UNC5C: variants seen among roughly 807,000 people sequenced by gnomAD.
UNC5C encodes the protein unc-5 netrin receptor C.
In UNC5C, 47 loss-of-function variants were observed where a neutral mutation model predicts 99.8. That is an observed-to-expected ratio of 0.47 (90% CI 0.37 to 0.60). UNC5C has a LOEUF of 0.60. Ranked by LOEUF, UNC5C falls within the 20% of genes least tolerant of loss-of-function variation. The probability of loss-of-function intolerance (pLI) is 0.00; values close to 1 mark genes in which losing one functional copy is unlikely to be tolerated. For synonymous variants in UNC5C, 487 were observed against 452.2 expected (o/e 1.08, Z -0.98); for missense variants, 1,062 against 1,165.9 (o/e 0.91, Z 1.30).
At chr4:95,527,516 G>A (rs899258035) in intron 1 of UNC5C, among the ~76,000 whole-genome samples, 2 of 151,878 alleles carry the variant, frequency 1.3e-5, no homozygotes, top group African/African-American at 2.4e-5. Context: ...CTCAGCCTCC[G>A]TCTTTCCTCA....
intron 1 of UNC5C, among the ~76,000 whole-genome samples, chr4:95,381,688 T>A (rs1000268965): frequency 6.6e-6 from 1 of 152,190 alleles, no homozygotes; most frequent in Non-Finnish European, 1.5e-5. Flanking sequence ...TGCTTTACTG[T>A]CAACAATGAA....
intron 4 of UNC5C, among the ~76,000 whole-genome samples, chr4:95,266,578 T>A (rs905483806): frequency 4.6e-5 from 7 of 152,220 alleles, no homozygotes; most frequent in African/African-American, 1.7e-4. Flanking sequence ...TTTTATAGTT[T>A]CGCTGTTACT....
chr4:95,328,866 A>C (rs1425662264), intron 2 of UNC5C, among the ~76,000 whole-genome samples: 1 of 152,208 alleles, frequency 6.6e-6, no homozygotes, highest in African/African-American at 2.4e-5. Context: ...TCACTGCTGC[A>C]GGCTGGTAAA....
chr4:95,342,660 G>T (rs1048850994), intron 1 of UNC5C, among the ~76,000 whole-genome samples: 15 of 151,702 alleles, frequency 9.9e-5, no homozygotes, highest in Non-Finnish European at 2.2e-4. Flanking sequence ...AGAGTAAAAG[G>T]GAGTTTGTCT....
intron 1 of UNC5C, among the ~76,000 whole-genome samples, chr4:95,378,801 G>C (rs375018789): frequency 6.6e-6 from 1 of 152,116 alleles, no homozygotes; most frequent in Non-Finnish European, 1.5e-5. Flanking sequence ...TAGCTACTAA[G>C]CACAATAATT....
intron 1 of UNC5C, among the ~76,000 whole-genome samples, chr4:95,354,561 C>T (rs1176050960): frequency 6.7e-6 from 1 of 149,186 alleles, no homozygotes; most frequent in Non-Finnish European, 1.5e-5. Flanking sequence ...CTCACTGTAA[C>T]CTCAAATGTC....
chr4:95,435,833 A>G (rs1293783852), intron 1 of UNC5C, among the ~76,000 whole-genome samples: 1 of 152,106 alleles, frequency 6.6e-6, no homozygotes, highest in Non-Finnish European at 1.5e-5. Context: ...TTGCATGTGT[A>G]GAAATATTCC....
chr4:95,330,666 A>G (rs1321350417), intron 2 of UNC5C, among the ~76,000 whole-genome samples: 1 of 152,094 alleles, frequency 6.6e-6, no homozygotes, highest in Non-Finnish European at 1.5e-5. Context: ...AAAAAATCAC[A>G]TAATTTGTCA....
Position 95,410,290 on chromosome 4 carries a change from C to T in UNC5C, c.125-74659G>A, listed in dbSNP as rs147191086. Reference sequence around the variant, plus strand: ...TCCACTGGGTTGTAATGTCCCTGTACCACTCTAAATGCATGATACCTCCTA... The same window carrying T: ...TCCACTGGGTTGTAATGTCCCTGTATCACTCTAAATGCATGATACCTCCTA... On this transcript the variant is annotated intron_variant, in intron 1 of 15. Transcript: ENST00000453304. 9.2e-3 allele frequency among the ~76,000 whole-genome samples: 1,404 copies of T among 152,134 alleles called. 17 individuals are homozygous for T. Among genetic ancestry groups the T allele is most frequent in the Non-Finnish European group, 0.014 (977 of 68,008 alleles).
intron 2 of UNC5C, among the ~76,000 whole-genome samples, chr4:95,326,176 C>T (rs1317572115): frequency 6.6e-6 from 1 of 152,060 alleles, no homozygotes; most frequent in Non-Finnish European, 1.5e-5. Context: ...GACTAAAGAA[C>T]AGAATACATG....
chr4:95,285,089 T>G (rs1044591186), intron 3 of UNC5C, among the ~76,000 whole-genome samples: 21 of 152,230 alleles, frequency 1.4e-4, no homozygotes, highest in African/African-American at 5.1e-4. Flanking sequence ...GATAAGCATG[T>G]TTTATTCTAA....
At chr4:95,331,743 T>C (rs1449274804) in intron 2 of UNC5C, among the ~76,000 whole-genome samples, 3 of 152,114 alleles carry the variant, frequency 2.0e-5, no homozygotes, top group African/African-American at 7.2e-5. Flanking sequence ...TGTACAATTA[T>C]AAAAAATAAA....
intron 5 of UNC5C, among the ~76,000 whole-genome samples, chr4:95,246,700 T>G (rs1739514186): frequency 6.6e-6 from 1 of 151,848 alleles, no homozygotes; most frequent in Non-Finnish European, 1.5e-5. Flanking sequence ...CATTTTAAAT[T>G]ATAAAAGATG....
At chr4:95,418,757 A>T (rs767444529) in intron 1 of UNC5C, among the ~76,000 whole-genome samples, 1 of 152,218 alleles carries the variant, frequency 6.6e-6, no homozygotes, top group Non-Finnish European at 1.5e-5. Context: ...TAATAAAAAA[A>T]TATCCAACTT....
At chr4:95,292,486 T>C (rs1741513458) in intron 3 of UNC5C, among the ~76,000 whole-genome samples, 1 of 152,028 alleles carries the variant, frequency 6.6e-6, no homozygotes, top group Non-Finnish European at 1.5e-5. Context: ...CCCTACATTG[T>C]GACAGGAATC....
At chr4:95,465,518 C>G (rs930166333) in intron 1 of UNC5C, among the ~76,000 whole-genome samples, 1 of 151,970 alleles carries the variant, frequency 6.6e-6, no homozygotes, top group African/African-American at 2.4e-5. Flanking sequence ...GGAGGTGTTT[C>G]TTTTCTTCCA....
intron 7 of UNC5C, among the ~76,000 whole-genome samples, chr4:95,229,704 C>G (rs974896827): frequency 1.3e-5 from 2 of 151,428 alleles, no homozygotes; most frequent in African/African-American, 4.9e-5. Context: ...AATCACCACA[C>G]TGTCTTCCAC....
Position 95,206,868 on chromosome 4 carries a change from A to G in UNC5C, c.1734-72T>C, listed in dbSNP as rs540566812. On this transcript the variant is annotated intron_variant, in intron 10 of 15. Coordinates refer to ENST00000453304, the MANE Select transcript of UNC5C (RefSeq NM_003728.4). ...CATGAACTATGCACTTGGGTTCTGA[A>G]GGCAAACAGGTCAAGTAGTTTTCTC... The G allele has an allele frequency of 2.4e-5, 30 of 1,247,322 alleles. No individual in the cohort carries two copies. The Admixed American group carries it at 4.8e-4, about 20-fold the overall frequency. 77.3% of individuals were successfully genotyped at this position (1,247,322 alleles called of 1,614,324 possible).
At chr4:95,382,905 A>G (rs186669504) in intron 1 of UNC5C, among the ~76,000 whole-genome samples, 161 of 152,270 alleles carry the variant, frequency 1.1e-3, no homozygotes, top group Non-Finnish European at 1.9e-3. Context: ...CTGCTAAGAA[A>G]CAATTTACTG....
Sources: gnomAD v4.1 joint callset for allele counts (sites outside exome capture counted in the v4.1 genomes callset) on GRCh38, gnomAD v4.1.1 for gene constraint, MANE v1.5 for transcripts, NCBI Gene and HGNC (gene_info 2026-07-23, HGNC 2026-07-21) for gene names.